CARS1: variants seen among roughly 807,000 people sequenced by gnomAD.
CARS1 encodes cysteine--tRNA ligase, cytoplasmic.
In CARS1, 48 loss-of-function variants were observed where a neutral mutation model predicts 106.2. The observed-to-expected ratio is 0.45, with a 90% confidence interval of 0.36 to 0.57. The LOEUF is 0.57. Among genes scored for constraint, CARS1 ranks in the 20% least tolerant of loss-of-function variants. CARS1 has a pLI of 0.00. For synonymous variants in CARS1, 409 were observed against 403.4 expected, an observed-to-expected ratio of 1.01 and a Z score of -0.17; for missense variants, 968 against 1,057.2, an observed-to-expected ratio of 0.92 and a Z score of 1.17.
intron 1 of CARS1, among the ~76,000 whole-genome samples, chr11:3,056,644 CT>C (rs1291900924): frequency 6.6e-6 from 1 of 152,230 alleles, no homozygotes; most frequent in African/African-American, 2.4e-5. Context: ...ACGCGTACCC[CT>C]GGCGTCCTCT....
At chr11:3,047,093 C>T (rs1855165434) in intron 2 of CARS1, among the ~76,000 whole-genome samples, 5 of 152,080 alleles carry the variant, frequency 3.3e-5, no homozygotes, top group South Asian at 2.1e-4. Flanking sequence ...CTGGCTAACA[C>T]GGTGAAACCC....
chr11:3,025,356 T>C (rs555105588), intron 10 of CARS1, among the ~76,000 whole-genome samples: 2 of 152,278 alleles, frequency 1.3e-5, no homozygotes, highest in African/African-American at 4.8e-5. Flanking sequence ...GCCTCCTGAG[T>C]AGCTGGGATT....
In CARS1 at chr11:3,054,012, GC is replaced by G. The variant is rs1310028747; in HGVS notation, c.25+3330del. Among the ~76,000 whole-genome samples, 4 of 152,124 alleles carry G rather than the reference GC, an allele frequency of 2.6e-5. No homozygotes were observed. In the East Asian group the frequency reaches 5.8e-4, roughly 22 times the overall value. On this transcript the variant is annotated intron_variant, in intron 1 of 22. Coordinates refer to ENST00000380525, the MANE Select transcript of CARS1 (RefSeq NM_001014437.3). ...GGTCCTTCCCAGTGATCCACTCCCT[GC>G]CCAAGAAGTGTTCAGAAAGGGGACC... is the stretch of plus-strand genomic sequence containing the variant.
chr11:3,026,176 T>C (rs1852055308), intron 10 of CARS1, among the ~76,000 whole-genome samples: 1 of 152,052 alleles, frequency 6.6e-6, no homozygotes, highest in African/African-American at 2.4e-5. Flanking sequence ...AGAACAGTGG[T>C]CACCAGAAGC....
In CARS1 at chr11:3,020,748, G is replaced by A. The variant is rs1851500361; in HGVS notation, c.1154-416C>T. On this transcript the variant is annotated intron_variant, in intron 10 of 22. Coordinates refer to ENST00000380525, the MANE Select transcript of CARS1 (RefSeq NM_001014437.3). This position sits in a 1 kb window ranked among gnomAD's most constrained non-coding sequence, Gnocchi z 4.6. ...GGATCCTGCCTGGTTCATGCGGGTG[G>A]GGTCAATATGTCAAGGGCCCGCACA... Among the ~76,000 whole-genome samples the A allele has an allele frequency of 7.2e-5, 11 of 152,294 alleles. 1 individual carries two copies. Among genetic ancestry groups the A allele is most frequent in the Admixed American group, 5.9e-4 (9 of 15,294 alleles).
chr11:3,038,205 A>G lies in CARS1; in HGVS notation c.652-6T>C, dbSNP rs1853935581. On this transcript the variant is annotated splice_region_variant and splice_polypyrimidine_tract_variant and intron_variant, in intron 6 of 22. Coordinates refer to ENST00000380525, the MANE Select transcript of CARS1 (RefSeq NM_001014437.3). This position sits in a 1 kb window ranked among gnomAD's most constrained non-coding sequence, Gnocchi z 4.0. ...TTTAATTTTACTGAAAATGGCTGCA[A>G]CCATAAAGAGACGTCAAATCTATTA... The G allele has an allele frequency of 1.2e-6, 2 of 1,613,182 alleles. No individual in the cohort carries two copies. The highest frequency in any genetic ancestry group is 2.7e-5 in the African/African-American group (2 of 74,904).
rs935505873 is a variant in CARS1, at chr11:3,050,448, C to T, written c.26-2447G>A. 1.3e-5 allele frequency among the ~76,000 whole-genome samples: 2 copies of T among 152,178 alleles called. No individual in the cohort carries two copies. The highest frequency in any genetic ancestry group is 2.9e-5 in the Non-Finnish European group (2 of 68,046). The stretch of plus-strand genomic sequence containing the variant: ...CCCATAGCCAACCCACGGGAGGATC[C>T]GGGGCCTCTAACTCAAAAGAAGCTT... On this transcript the variant is annotated intron_variant, in intron 1 of 22. Coordinates refer to ENST00000380525, the MANE Select transcript of CARS1 (RefSeq NM_001014437.3). This position sits in a 1 kb window ranked among gnomAD's most constrained non-coding sequence, Gnocchi z 6.3.
Position 3,012,224 on chromosome 11 carries a change from C to A in CARS1, c.2039G>T (p.Gly680Val). The A allele has an allele frequency of 6.2e-7, 1 of 1,614,248 alleles. No individual in the cohort carries two copies. The highest frequency in any genetic ancestry group is 8.5e-7 in the Non-Finnish European group (1 of 1,180,036). The change falls in exon 18 of 23, where the codon GGA becomes GTA. Residue 680 changes from glycine (G) to valine (V), a missense_variant. Transcript: ENST00000380525. ...YLQVLSEFRE[G>V]VRKIAREQKV... ...TTGCTCTCGGGCAATCTTCCGCACT[C>A]CTTCTCGGAATTCTGATAACACCTG... is the stretch of plus-strand genomic sequence containing the variant.
intron 7 of CARS1, among the ~76,000 whole-genome samples, chr11:3,031,989 T>C (rs1852832985): frequency 7.8e-5 from 1 of 12,874 alleles, no homozygotes; most frequent in African/African-American, 3.5e-4. Context: ...TCTTTCTCCT[T>C]CCTTCCTTCC....
chr11:3,033,970 T>C (rs1281632489), intron 7 of CARS1, among the ~76,000 whole-genome samples: 1 of 152,148 alleles, frequency 6.6e-6, no homozygotes, highest in Non-Finnish European at 1.5e-5. Flanking sequence ...TTTGTAGAGA[T>C]AGAGTCTCAC....
At chr11:3,002,247 T>C (rs1000016459) in intron 21 of CARS1, 194 bp from the exon 22 acceptor site, 49 of 654,252 alleles carry the variant, frequency 7.5e-5, no homozygotes, top group Admixed American at 1.9e-4. Flanking sequence ...CCAGATGTTA[T>C]TTCTACAGGA....
At chr11:3,001,794 G>A (rs1565004731) in intron 22 of CARS1, among the ~76,000 whole-genome samples, 176 bp downstream of exon 22, 3 of 152,196 alleles carry the variant, frequency 2.0e-5, no homozygotes, top group Non-Finnish European at 4.4e-5. Flanking sequence ...CCTGGGCTGT[G>A]GAAGGAGCTC....
intron 19 of CARS1, among the ~76,000 whole-genome samples, chr11:3,006,318 CGTCT>C (rs1161145446): frequency 6.6e-6 from 1 of 152,082 alleles, no homozygotes; most frequent in African/African-American, 2.4e-5. Context: ...TGGTGATGGG[CGTCT>C]GTAATCCCAG....
In CARS1 at chr11:3,020,468, T is replaced by C; in HGVS notation, c.1154-136A>G. ...CTGTTTATTAACTTGGCTCAAGCAT[T>C]TCTTCAAGTTAACTATGTATTACCA... is the stretch of plus-strand genomic sequence containing the variant. On this transcript the variant is annotated intron_variant, in intron 10 of 22. Coordinates refer to ENST00000380525, the MANE Select transcript of CARS1 (RefSeq NM_001014437.3). This position sits in a 1 kb window ranked among gnomAD's most constrained non-coding sequence, Gnocchi z 4.6. 3.2e-6 allele frequency: 2 copies of C among 632,550 alleles called. No homozygotes were observed. The highest frequency in any genetic ancestry group is 5.7e-6 in the Non-Finnish European group (2 of 348,620). The allele number at this position is 632,550 out of a possible 1,614,324, so 39.2% of individuals were successfully genotyped here.
chr11:3,056,239 C>G (rs1019892015), intron 1 of CARS1, among the ~76,000 whole-genome samples: 1 of 152,166 alleles, frequency 6.6e-6, no homozygotes, highest in Admixed American at 6.5e-5. Flanking sequence ...AATCTTGGTA[C>G]GATCTAAACT....
chr11:3,028,336 C>A lies in CARS1; in HGVS notation c.1031+660G>T, dbSNP rs566479720. The A allele has an allele frequency of 4.0e-4, 198 of 493,984 alleles. 5 individuals are homozygous for A. In the South Asian group the frequency reaches 4.1e-3, roughly 10 times the overall value. The allele number at this position is 493,984 out of a possible 1,614,324, so 30.6% of individuals were successfully genotyped here. On this transcript the variant is annotated intron_variant, in intron 9 of 22. Transcript: ENST00000380525. The surrounding 1 kb of genome is among the most constrained non-coding windows in gnomAD (Gnocchi z 4.4). Reference sequence around the variant, plus strand: ...TCTCCGCGTCTTGGTGGTAGTGGTCCCCCGGGCCCAGCTGTCTTCTCTTTT... The same window carrying A: ...TCTCCGCGTCTTGGTGGTAGTGGTCACCCGGGCCCAGCTGTCTTCTCTTTT...
At chr11:3,010,613 G>GGCAGCCCA (rs976477485) in intron 18 of CARS1, among the ~76,000 whole-genome samples, 5 of 151,966 alleles carry the variant, frequency 3.3e-5, no homozygotes, top group South Asian at 2.1e-4. Flanking sequence ...GAGCACTTGT[G>GGCAGCCCA]GCAGCCCAGC....
At chr11:3,033,707 C>T (rs1332851476) in intron 7 of CARS1, among the ~76,000 whole-genome samples, 1 of 152,078 alleles carries the variant, frequency 6.6e-6, no homozygotes, top group Non-Finnish European at 1.5e-5. Flanking sequence ...AAAGAATGGA[C>T]AAAAACTGAT....
intron 7 of CARS1, among the ~76,000 whole-genome samples, chr11:3,032,048 CTCCCTCCCTCCCTCCTTCCTTCCTTCCT>C (rs1282215025): frequency 8.3e-4 from 13 of 15,596 alleles, no homozygotes; most frequent in African/African-American, 2.6e-3. Context: ...CCCTCCCTCC[CTCCCTCCCTCCCTCCTTCCTTCCTTCCT>C]TCCTTCCTTC....
Sources: allele counts gnomAD v4.1 joint callset (sites outside exome capture counted in the v4.1 genomes callset), GRCh38; gene constraint gnomAD v4.1.1; non-coding constraint Gnocchi (gnomAD v3.1); transcripts MANE v1.5; gene names NCBI Gene and HGNC (gene_info 2026-07-23, HGNC 2026-07-21).